ADGRG7: variants seen among roughly 807,000 people sequenced by gnomAD.
ADGRG7 encodes adhesion G protein-coupled receptor G7.
A neutral mutation model predicts 88.6 loss-of-function variants in ADGRG7; 82 were observed. That is an observed-to-expected ratio of 0.93 (90% CI 0.77 to 1.11). ADGRG7 has a LOEUF of 1.11. Among genes scored for constraint, ADGRG7 ranks in the 50% most tolerant of loss-of-function variants. The pLI, the probability that ADGRG7 is intolerant of heterozygous loss-of-function variation, is 0.00. For missense variants in ADGRG7, 945 were observed against 953.4 expected, an observed-to-expected ratio of 0.99 and a Z score of 0.12; for synonymous variants, 381 against 345.2, an observed-to-expected ratio of 1.10 and a Z score of -1.15.
At chr3:100,652,179 C>T (rs2094930442) in intron 11 of ADGRG7, among the ~76,000 whole-genome samples, 2 of 151,938 alleles carry the variant, frequency 1.3e-5, no homozygotes, top group South Asian at 4.2e-4. Flanking sequence ...GGTCATTAAA[C>T]CTCTCAATAG....
rs183099820 is a variant in ADGRG7 at position 100,666,901 on chromosome 3, G to C, written c.1980-2048G>C. 2.3e-3 allele frequency among the ~76,000 whole-genome samples: 349 copies of C among 152,128 alleles called. 4 individuals carry two copies. Among genetic ancestry groups the C allele is most frequent in the African/African-American group, 8.1e-3 (337 of 41,506 alleles). ...ATCTGTTTAACAAAGCACATCTTGC[G>C]CAACCCTTAATCCATTTAACCCTGA... On this transcript the variant is annotated intron_variant, in intron 14 of 15. Coordinates refer to ENST00000273352, the MANE Select transcript of ADGRG7 (RefSeq NM_032787.3).
At chr3:100,660,552 C>A (rs1318490790) in intron 14 of ADGRG7, among the ~76,000 whole-genome samples, 4 of 152,130 alleles carry the variant, frequency 2.6e-5, no homozygotes, top group Non-Finnish European at 5.9e-5. Flanking sequence ...TGATCCTCCC[C>A]AGTTGGCCTC....
chr3:100,684,025 A>G (rs1379415384), intron 15 of ADGRG7, among the ~76,000 whole-genome samples: 1 of 152,176 alleles, frequency 6.6e-6, no homozygotes, highest in African/African-American at 2.4e-5. Flanking sequence ...GTGGAGCATT[A>G]TACCTCTCAG....
chr3:100,656,916 T>C (rs2094938491), intron 13 of ADGRG7, among the ~76,000 whole-genome samples: 1 of 152,214 alleles, frequency 6.6e-6, no homozygotes, highest in African/African-American at 2.4e-5. Flanking sequence ...TTTAAAATTT[T>C]AATGCCACCA....
In ADGRG7 at chr3:100,668,967, C is replaced by T. The variant is rs757893268; in HGVS notation, c.1998C>T (p.Ser666=). The change falls in exon 15 of 16, where the codon TCC becomes TCT. Residue 666 remains serine, a synonymous_variant. Coordinates refer to ENST00000273352, the MANE Select transcript of ADGRG7 (RefSeq NM_032787.3). ...QNLTSTKKVS[S]MKKIVSTLSV... is the part of the protein sequence containing the mutation. The stretch of plus-strand genomic sequence containing the variant: ...CACCTAGCACAAAAAAAGTTTCATC[C>T]ATGAAGAAGATTGTTAGCACATTAT... 2 of 1,591,164 alleles carry T rather than the reference C, an allele frequency of 1.3e-6. No homozygotes were observed. Among genetic ancestry groups the T allele is most frequent in the Non-Finnish European group, 1.7e-6 (2 of 1,171,336 alleles).
intron 15 of ADGRG7, among the ~76,000 whole-genome samples, chr3:100,688,281 G>A (rs1425078761): frequency 6.6e-6 from 1 of 151,874 alleles, no homozygotes; most frequent in South Asian, 2.1e-4. Context: ...TTCTTTATTA[G>A]TCTTGCTAGT....
At position 100,612,466 on chromosome 3, in the gene ADGRG7, C is replaced by T. The variant is rs952886935; in HGVS notation, c.115+2495C>T. On this transcript the variant is annotated intron_variant, in intron 1 of 15. Transcript: ENST00000273352. ...TAGAAAAACACAAGAAGCAGTATAGCTTTTGGGCCCCTTCACTCTTGATGA... is the reference window on the plus strand; with the variant it reads ...TAGAAAAACACAAGAAGCAGTATAGTTTTTGGGCCCCTTCACTCTTGATGA... Among the ~76,000 whole-genome samples the T allele has an allele frequency of 4.6e-5, 7 of 152,270 alleles. No homozygotes were observed. In the South Asian group the frequency reaches 6.2e-4, roughly 14 times the overall value.
intron 13 of ADGRG7, among the ~76,000 whole-genome samples, chr3:100,656,505 TG>T (rs1418127404): frequency 3.9e-5 from 6 of 152,236 alleles, no homozygotes; most frequent in Non-Finnish European, 7.3e-5. Context: ...ATTCTTCCTG[TG>T]ATTCCAGTGT....
chr3:100,667,815 G>A (rs2094953732), intron 14 of ADGRG7, among the ~76,000 whole-genome samples: 1 of 151,870 alleles, frequency 6.6e-6, no homozygotes, highest in African/African-American at 2.4e-5. Flanking sequence ...TGTTTCAGGT[G>A]CTACCAGGGT....
intron 15 of ADGRG7, among the ~76,000 whole-genome samples, chr3:100,691,263 AC>A (rs1378796982): frequency 6.6e-6 from 1 of 151,958 alleles, no homozygotes; most frequent in Non-Finnish European, 1.5e-5. Context: ...GCCGTCTGTC[AC>A]CCCTTTCTTT....
chr3:100,665,617 T>C (rs1145338), intron 14 of ADGRG7: 331,374 of 349,818 alleles, frequency 0.95, 158,580 homozygotes, highest in Non-Finnish European at 1. Context: ...AGAAGAAATA[T>C]GGTTAAAATA....
rs9866111 is a variant in ADGRG7, at chr3:100,655,896, T to C, written c.1727-3T>C. The stretch of plus-strand genomic sequence containing the variant: ...TAATTATGTGCCTCTCTTTATCACA[T>C]AGGAGTCCCAGCTATAGTAGTGGCT... On this transcript the variant is annotated splice_region_variant and splice_polypyrimidine_tract_variant and intron_variant, in intron 12 of 15. Transcript: ENST00000273352. The C allele has an allele frequency of 0.57, 870,278 of 1,515,678 alleles. 257,127 individuals carry two copies. Among genetic ancestry groups the C allele is most frequent in the South Asian group, 0.74 (65,146 of 88,090 alleles). 93.9% of individuals were successfully genotyped at this position (1,515,678 alleles called of 1,614,324 possible).
Position 100,609,675 on chromosome 3 carries a change from A to T in ADGRG7, c.-182A>T. On this transcript the variant is annotated 5_prime_UTR_variant, in exon 1 of 16. It introduces an in-frame stop codon into an upstream open reading frame of the 5' UTR. Transcript: ENST00000273352. ...GTATGCACCTTTTATTAGGAGATTC[A>T]AACTGCATCCTACTGGATTAGCCTC... The T allele has an allele frequency of 1.9e-6, 1 of 514,680 alleles. No individual in the cohort carries two copies. Among genetic ancestry groups the T allele is most frequent in the African/African-American group, 1.9e-5 (1 of 51,492 alleles). The allele number at this position is 514,680 out of a possible 1,614,324, so 31.9% of individuals were successfully genotyped here.
chr3:100,651,199 C>T (rs2094929002), intron 11 of ADGRG7, among the ~76,000 whole-genome samples: 1 of 152,150 alleles, frequency 6.6e-6, no homozygotes. Context: ...AGATAATCTC[C>T]CATCTCTCAT....
intron 1 of ADGRG7, among the ~76,000 whole-genome samples, chr3:100,617,079 A>G (rs537387856): frequency 2.0e-5 from 3 of 152,284 alleles, no homozygotes; most frequent in South Asian, 4.1e-4. Flanking sequence ...TTGAAGGATG[A>G]CTTTTCAAGT....
At chr3:100,669,550 A>C (rs1447594117) in intron 15 of ADGRG7, among the ~76,000 whole-genome samples, 1 of 150,164 alleles carries the variant, frequency 6.7e-6, no homozygotes, top group African/African-American at 2.5e-5. Flanking sequence ...AAAAAAAAAA[A>C]AAAAAAAAAA....
Position 100,643,546 on chromosome 3 carries a change from T to C in ADGRG7, c.859T>C (p.Ser287Pro), listed in dbSNP as rs1411446513. ...CATAGGAGCTAGCAGTTCTCTAGTT[T>C]CTAGTTCAACATTTATACATACAAA... ...VQKGASSSLV[S>P]SSTFIHTNVD... Residue 287 changes from serine (S) to proline (P), a missense_variant, in exon 8 of 16, where the codon TCT (serine) becomes CCT (proline). Ser to Pro is a moderately conservative substitution (Grantham distance 74, BLOSUM62 -1). Transcript: ENST00000273352. 6.2e-7 allele frequency: 1 copy of C among 1,613,528 alleles called. No homozygotes were observed. Among genetic ancestry groups the C allele is most frequent in the East Asian group, 2.2e-5 (1 of 44,884 alleles).
At chr3:100,674,734 C>G (rs985941242) in intron 15 of ADGRG7, among the ~76,000 whole-genome samples, 1 of 151,990 alleles carries the variant, frequency 6.6e-6, no homozygotes, top group Admixed American at 6.6e-5. Flanking sequence ...TGTGCCACCA[C>G]CCCTAGCTAA....
intron 1 of ADGRG7, among the ~76,000 whole-genome samples, chr3:100,624,548 C>T (rs1707357898): frequency 6.6e-6 from 1 of 152,280 alleles, no homozygotes; most frequent in Non-Finnish European, 1.5e-5. Context: ...AATTAGATCC[C>T]ATTTGTCAAT....
Sources: allele counts gnomAD v4.1 joint callset (sites outside exome capture counted in the v4.1 genomes callset), GRCh38; gene constraint gnomAD v4.1.1; transcripts MANE v1.5; gene names NCBI Gene and HGNC (gene_info 2026-07-23, HGNC 2026-07-21).